The following ADAM10 variants were observed in gnomAD, a reference collection of about 807,000 sequenced individuals.
ADAM10 encodes ADAM metallopeptidase domain 10.
Under a neutral mutation model 90.1 loss-of-function variants are expected in ADAM10, and 17 were observed. The observed-to-expected ratio is 0.19, with a 90% CI of 0.13 to 0.28. The LOEUF is 0.28. Ranked by LOEUF, ADAM10 falls within the 10% of genes least tolerant of loss-of-function variation. The pLI is 1.00. For missense variants in ADAM10, 610 were observed against 914.3 expected (o/e 0.67, Z 4.29); for synonymous variants, 310 against 298.6 (o/e 1.04, Z -0.40).
intron 2 of ADAM10, among the ~76,000 whole-genome samples, chr15:58,713,264 G>C (rs530506430): frequency 1.3e-5 from 2 of 152,178 alleles, no homozygotes; most frequent in Admixed American, 1.3e-4. Context: ...ACCACACTTT[G>C]CTAAGTTTCT....
intron 9 of ADAM10, 100 bp from the exon 10 acceptor site, chr15:58,627,983 T>C: frequency 8.5e-7 from 1 of 1,171,834 alleles, no homozygotes; most frequent in South Asian, 1.3e-5. Flanking sequence ...CAATGGAAGC[T>C]TGTGGACTCT....
At chr15:58,632,615 T>C (rs1276601822) in intron 9 of ADAM10, among the ~76,000 whole-genome samples, 11 of 152,244 alleles carry the variant, frequency 7.2e-5, no homozygotes. Flanking sequence ...TTCTGAATCA[T>C]GGGCGTATAA....
intron 2 of ADAM10, among the ~76,000 whole-genome samples, chr15:58,698,598 C>T (rs998820389): frequency 6.9e-6 from 1 of 145,272 alleles, no homozygotes; most frequent in South Asian, 2.2e-4. Context: ...AAAAGATAGA[C>T]AGATATCATA....
chr15:58,664,157 C>T lies in ADAM10; in HGVS notation c.585+940G>A, dbSNP rs1230320587. 3.9e-5 allele frequency among the ~76,000 whole-genome samples: 6 copies of T among 151,990 alleles called. No individual in the cohort carries two copies. In the East Asian group the frequency reaches 1.2e-3, roughly 29 times the overall value. ...GTCTTTCCATATCCTCATGGCTAAC[C>T]TAACTCCTACTTATTCTTAAGGTCT... is the stretch of plus-strand genomic sequence containing the variant. On this transcript the variant is annotated intron_variant, in intron 5 of 15. Coordinates refer to ENST00000260408, the MANE Select transcript of ADAM10 (RefSeq NM_001110.4).
chr15:58,681,511 A>G (rs550029265), intron 3 of ADAM10, among the ~76,000 whole-genome samples: 1 of 152,330 alleles, frequency 6.6e-6, no homozygotes, highest in East Asian at 1.9e-4. Flanking sequence ...TTAAGTGAGA[A>G]TCATCTTGAG....
chr15:58,746,831 T>G (rs566115809), intron 1 of ADAM10, among the ~76,000 whole-genome samples: 2 of 152,182 alleles, frequency 1.3e-5, no homozygotes, highest in Non-Finnish European at 2.9e-5. Flanking sequence ...TTTAAAAAGA[T>G]GAAGAGTCAG....
intron 2 of ADAM10, among the ~76,000 whole-genome samples, chr15:58,705,878 G>C (rs1319215407): frequency 1.3e-5 from 2 of 152,070 alleles, no homozygotes; most frequent in Non-Finnish European, 2.9e-5. Context: ...TATCATAATT[G>C]TTCTCTTTTG....
chr15:58,647,566 C>A (rs1896584122), intron 5 of ADAM10, among the ~76,000 whole-genome samples: 1 of 149,222 alleles, frequency 6.7e-6, no homozygotes. Flanking sequence ...CCAAGTATTT[C>A]TTTTGAGAGT....
rs1351331788 is a variant in ADAM10, at chr15:58,682,322, A to G, written c.207-8T>C. 1 of 1,610,470 alleles carries G rather than the reference A, an allele frequency of 6.2e-7. No individual in the cohort carries two copies. The highest frequency in any genetic ancestry group is 8.5e-7 in the Non-Finnish European group (1 of 1,178,660). On this transcript the variant is annotated splice_region_variant and splice_polypyrimidine_tract_variant and intron_variant, in intron 2 of 15. Transcript: ENST00000260408. ...ATTCGTAGGTTGAAATGTCTGTAAA[A>G]TGGGATGGGAAGGGGGAACAACTGA...
intron 4 of ADAM10, among the ~76,000 whole-genome samples, chr15:58,671,443 T>A (rs1228990680): frequency 1.3e-5 from 2 of 152,224 alleles, no homozygotes; most frequent in African/African-American, 4.8e-5. Flanking sequence ...AGGTCACTGG[T>A]ACAAACATAA....
At chr15:58,636,753 A>T (rs182482633) in intron 8 of ADAM10, among the ~76,000 whole-genome samples, 9 of 152,350 alleles carry the variant, frequency 5.9e-5, no homozygotes, top group African/African-American at 2.2e-4. Flanking sequence ...TTAGAAAAAA[A>T]TACAAGAGTA....
chr15:58,698,601 A>G (rs1441569080), intron 2 of ADAM10, among the ~76,000 whole-genome samples: 1 of 151,364 alleles, frequency 6.6e-6, no homozygotes, highest in Non-Finnish European at 1.5e-5. Context: ...AGATAGACAG[A>G]TATCATAAAA....
chr15:58,652,554 T>C (rs1486033767), intron 5 of ADAM10, among the ~76,000 whole-genome samples: 1 of 152,196 alleles, frequency 6.6e-6, no homozygotes, highest in Non-Finnish European at 1.5e-5. Context: ...TGTAGGTGTA[T>C]CAATTTGTTT....
At chr15:58,721,561 C>G (rs76049711) in intron 1 of ADAM10, among the ~76,000 whole-genome samples, 1 of 152,140 alleles carries the variant, frequency 6.6e-6, no homozygotes, top group African/African-American at 2.4e-5. Context: ...CCTCTGCCCC[C>G]ACCCCACACA....
intron 9 of ADAM10, among the ~76,000 whole-genome samples, chr15:58,630,629 T>A (rs1421291766): frequency 6.6e-6 from 1 of 152,172 alleles, no homozygotes; most frequent in African/African-American, 2.4e-5. Context: ...ACAAAGTTTA[T>A]AAAGCAGTTT....
Position 58,595,014 on chromosome 15 carries a change from A to G in ADAM10, c.*2533T>C, listed in dbSNP as rs1408988540. The G allele has an allele frequency of 2.0e-5, 3 of 152,202 alleles. No homozygotes were observed. The highest frequency in any genetic ancestry group is 7.2e-5 in the African/African-American group (3 of 41,454). 9.4% of individuals were successfully genotyped at this position (152,202 alleles called of 1,614,324 possible). A position where few individuals can be genotyped will look rare whatever the true frequency, so the allele number is the denominator to read the frequency against. On this transcript the variant is annotated 3_prime_UTR_variant, in exon 16 of 16. Transcript: ENST00000260408. ...TCTCTCCTTATTTGCTATGAAGAGA[A>G]AAATGATGGCTCAAAATTTTAAACA...
chr15:58,632,010 A>C (rs1896117165), intron 9 of ADAM10, among the ~76,000 whole-genome samples: 1 of 151,064 alleles, frequency 6.6e-6, no homozygotes, highest in African/African-American at 2.4e-5. Context: ...TTAAGCTACA[A>C]GTAGACAACT....
At chr15:58,677,070 T>C (rs564522935) in intron 4 of ADAM10, among the ~76,000 whole-genome samples, 2 of 152,330 alleles carry the variant, frequency 1.3e-5, no homozygotes, top group East Asian at 3.9e-4. Flanking sequence ...TCTTAAACCA[T>C]GGTTCACTTG....
chr15:58,710,046 G>A (rs1208531680), intron 2 of ADAM10, among the ~76,000 whole-genome samples: 2 of 152,164 alleles, frequency 1.3e-5, no homozygotes, highest in African/African-American at 2.4e-5. Flanking sequence ...ACTCTAGGAG[G>A]CCAAGGCAGG....
Sources: gnomAD v4.1 joint callset for allele counts (sites outside exome capture counted in the v4.1 genomes callset) on GRCh38, gnomAD v4.1.1 for gene constraint, MANE v1.5 for transcripts, NCBI Gene and HGNC (gene_info 2026-07-23, HGNC 2026-07-21) for gene names.